The following UNC5C variants were observed in gnomAD, a reference collection of about 807,000 sequenced individuals.
The protein encoded by UNC5C is netrin receptor UNC5C.
A neutral mutation model predicts 99.8 loss-of-function variants in UNC5C; 47 were observed. That is an observed-to-expected ratio of 0.47 (90% CI 0.37 to 0.60). The LOEUF is 0.60. Ranked by LOEUF, UNC5C falls within the 20% of genes least tolerant of loss-of-function variation. The probability of loss-of-function intolerance (pLI) is 0.00; values close to 1 mark genes in which losing one functional copy is unlikely to be tolerated. For missense variants in UNC5C, 1,062 were observed against 1,165.9 expected, an observed-to-expected ratio of 0.91 and a Z score of 1.30; for synonymous variants, 487 against 452.2, an observed-to-expected ratio of 1.08 and a Z score of -0.98.
chr4:95,398,915 C>T (rs1211844337), intron 1 of UNC5C, among the ~76,000 whole-genome samples: 1 of 151,904 alleles, frequency 6.6e-6, no homozygotes, highest in Non-Finnish European at 1.5e-5. Context: ...AGATAAAAAT[C>T]ACAGAAAAAA....
intron 1 of UNC5C, among the ~76,000 whole-genome samples, chr4:95,431,664 C>T (rs1160171186): frequency 6.6e-6 from 1 of 152,030 alleles, no homozygotes; most frequent in South Asian, 2.1e-4. Context: ...AAATCATGTC[C>T]TACACATGTC....
At chr4:95,320,422 C>CAAAAAAAAAA (rs34842898) in intron 2 of UNC5C, among the ~76,000 whole-genome samples, 2 of 94,926 alleles carry the variant, frequency 2.1e-5, no homozygotes, top group African/African-American at 4.0e-5. Flanking sequence ...AATTCCATCT[C>CAAAAAAAAAA]AAAAAAAAAA....
Position 95,219,973 on chromosome 4 carries a change from A to G in UNC5C, c.1300+12T>C. 6.2e-7 allele frequency: 1 copy of G among 1,611,056 alleles called. No homozygotes were observed. Among genetic ancestry groups the G allele is most frequent in the Non-Finnish European group, 8.5e-7 (1 of 1,178,148 alleles). ...CATAAGTAACAGGGTGTGAAGTGGA[A>G]TGTCAACTGACCTTGTCTTGCTGCC... On this transcript the variant is annotated intron_variant, in intron 8 of 15. Transcript: ENST00000453304.
At chr4:95,394,679 T>C (rs1745460506) in intron 1 of UNC5C, among the ~76,000 whole-genome samples, 2 of 97,446 alleles carry the variant, frequency 2.1e-5, no homozygotes, top group South Asian at 2.9e-4. Flanking sequence ...GTGTGTGCTT[T>C]TCTCATTGGT....
intron 4 of UNC5C, among the ~76,000 whole-genome samples, chr4:95,264,380 G>A (rs1347545938): frequency 6.6e-6 from 1 of 152,152 alleles, no homozygotes; most frequent in Non-Finnish European, 1.5e-5. Flanking sequence ...TCGTAGGCTT[G>A]TTGAGACCCT....
At chr4:95,256,971 C>A (rs1045927169) in intron 4 of UNC5C, among the ~76,000 whole-genome samples, 5 of 151,988 alleles carry the variant, frequency 3.3e-5, no homozygotes, top group Non-Finnish European at 7.4e-5. Flanking sequence ...GTGCTGGCAG[C>A]TGATTAGATA....
intron 1 of UNC5C, among the ~76,000 whole-genome samples, chr4:95,460,284 C>G (rs114699392): frequency 0.012 from 1,728 of 145,176 alleles, 25 homozygotes; most frequent in African/African-American, 0.042. Flanking sequence ...ATTCATAATA[C>G]TAAATTTTAA....
At chr4:95,266,211 G>A (rs768209899) in intron 4 of UNC5C, among the ~76,000 whole-genome samples, 68 of 152,258 alleles carry the variant, frequency 4.5e-4, no homozygotes, top group Middle Eastern at 3.4e-3. Context: ...GGAAAGTGTC[G>A]TCTTATTTAC....
chr4:95,503,682 A>T (rs142957673), intron 1 of UNC5C, among the ~76,000 whole-genome samples: 2 of 152,282 alleles, frequency 1.3e-5, no homozygotes, highest in East Asian at 3.9e-4. Flanking sequence ...AGAATAATCA[A>T]CATGCTTTAT....
chr4:95,516,559 A>C (rs1194585662), intron 1 of UNC5C, among the ~76,000 whole-genome samples: 2 of 152,056 alleles, frequency 1.3e-5, no homozygotes, highest in Non-Finnish European at 2.9e-5. Flanking sequence ...CTGGGGGCGG[A>C]GTGTGTGTAA....
chr4:95,373,214 C>T (rs1744797846), intron 1 of UNC5C, among the ~76,000 whole-genome samples: 1 of 152,084 alleles, frequency 6.6e-6, no homozygotes, highest in Admixed American at 6.6e-5. Flanking sequence ...AAACACATGC[C>T]ACAACACTAC....
chr4:95,542,693 C>T (rs1468522960), intron 1 of UNC5C, among the ~76,000 whole-genome samples: 1 of 151,930 alleles, frequency 6.6e-6, no homozygotes, highest in Non-Finnish European at 1.5e-5. Flanking sequence ...AATTTCAGCT[C>T]AATATTTTCA....
At chr4:95,317,460 G>A (rs1000105910) in intron 2 of UNC5C, among the ~76,000 whole-genome samples, 5 of 150,932 alleles carry the variant, frequency 3.3e-5, no homozygotes, top group Admixed American at 1.3e-4. Context: ...GTATATGTGC[G>A]TGTGTAAAGG....
chr4:95,389,669 T>C (rs1179711145), intron 1 of UNC5C, among the ~76,000 whole-genome samples: 1 of 152,166 alleles, frequency 6.6e-6, no homozygotes, highest in Non-Finnish European at 1.5e-5. Context: ...GTAAATTTAC[T>C]TTTTTCAAAT....
chr4:95,548,840 C>T lies in UNC5C; in HGVS notation c.18G>A (p.Arg6=). The part of the protein sequence containing the change: MRKGL[R]ATAARCGLGL... ...CCAGTCCGCAGCGGGCCGCTGTCGC[C>T]CGCAGACCTTTCCTCATCGTAGACA... Residue 6 remains arginine (R), a synonymous_variant, in exon 1 of 16, where the codon CGG becomes CGA. Transcript: ENST00000453304. The T allele has an allele frequency of 1.9e-6, 3 of 1,613,216 alleles. No homozygotes were observed. The highest frequency in any genetic ancestry group is 2.5e-6 in the Non-Finnish European group (3 of 1,179,902).
chr4:95,397,845 T>C (rs1745563605), intron 1 of UNC5C, among the ~76,000 whole-genome samples: 1 of 152,168 alleles, frequency 6.6e-6, no homozygotes, highest in Non-Finnish European at 1.5e-5. Flanking sequence ...AGAAATCATC[T>C]TATTATACAA....
chr4:95,317,219 T>C (rs1011064718), intron 2 of UNC5C, among the ~76,000 whole-genome samples: 4 of 152,170 alleles, frequency 2.6e-5, no homozygotes, highest in African/African-American at 9.6e-5. Flanking sequence ...TCATGCAAAA[T>C]TGAAGCACTT....
intron 1 of UNC5C, among the ~76,000 whole-genome samples, chr4:95,359,233 C>A (rs2149433810): frequency 6.6e-6 from 1 of 152,228 alleles, no homozygotes; most frequent in South Asian, 2.1e-4. Context: ...AGTATTTTCA[C>A]TGTTGAGATA....
chr4:95,193,727 C>T (rs1737255824), intron 12 of UNC5C, among the ~76,000 whole-genome samples: 3 of 152,166 alleles, frequency 2.0e-5, no homozygotes, highest in Admixed American at 2.0e-4. Flanking sequence ...AAAAGAGCGG[C>T]CGCCCTTCTC....
Sources: gnomAD v4.1 joint callset for allele counts (sites outside exome capture counted in the v4.1 genomes callset) on GRCh38, gnomAD v4.1.1 for gene constraint, MANE v1.5 for transcripts, NCBI Gene and HGNC (gene_info 2026-07-23, HGNC 2026-07-21) for gene names.